COL24A1: variants seen among roughly 807,000 people sequenced by gnomAD.
COL24A1 encodes collagen type XXIV alpha 1 chain, also known as collagen alpha-1(XXIV) chain.
In COL24A1, 224 loss-of-function variants were observed where a neutral mutation model predicts 253.9. The ratio of observed to expected loss-of-function variants is 0.88; its 90% CI spans 0.79 to 0.99. COL24A1 has a LOEUF of 0.99. Among genes scored for constraint, COL24A1 ranks in the 50% least tolerant of loss-of-function variants. The pLI is 0.00. For missense variants in COL24A1, 2,131 were observed against 2,068.5 expected (o/e 1.03, Z -0.59); for synonymous variants, 685 against 673.7 (o/e 1.02, Z -0.26).
At chr1:85,802,917 C>A (rs1163303466) in intron 47 of COL24A1, among the ~76,000 whole-genome samples, 1 of 152,116 alleles carries the variant, frequency 6.6e-6, no homozygotes, top group African/African-American at 2.4e-5. Flanking sequence ...TTCACTGAGA[C>A]TAATATTTCA....
intron 6 of COL24A1, among the ~76,000 whole-genome samples, chr1:86,090,257 A>G (rs1703400038): frequency 6.6e-6 from 1 of 152,186 alleles, no homozygotes; most frequent in African/African-American, 2.4e-5. Flanking sequence ...TCATGAAGGA[A>G]TCATTTAATT....
Position 86,124,910 on chromosome 1 carries a change from C to CATAATA in COL24A1, c.1420_1425dup (p.Tyr474_Tyr475dup). On this transcript the variant is annotated inframe_insertion, in exon 3 of 60. Transcript: ENST00000370571. ...ATTTCAAGCATTGTATTTAGATCCTCATAATAATAATAATCATAAAGCTCA... is the reference window on the plus strand; with the variant it reads ...ATTTCAAGCATTGTATTTAGATCCTCATAATAATAATAATAATAATCATAAAGCTCA... 1 of 1,609,908 alleles carries CATAATA rather than the reference C, an allele frequency of 6.2e-7. No individual in the cohort carries two copies. Among genetic ancestry groups the CATAATA allele is most frequent in the Non-Finnish European group, 8.5e-7 (1 of 1,178,678 alleles).
intron 28 of COL24A1, among the ~76,000 whole-genome samples, chr1:85,899,340 C>A (rs958046865): frequency 6.6e-6 from 1 of 152,038 alleles, no homozygotes; most frequent in Non-Finnish European, 1.5e-5. Context: ...ATTAATTGGG[C>A]CCTTAAAACT....
intron 5 of COL24A1, among the ~76,000 whole-genome samples, chr1:86,111,057 G>A (rs1337159857): frequency 2.0e-5 from 3 of 152,256 alleles, no homozygotes; most frequent in East Asian, 1.9e-4. Context: ...CTGAAGGATT[G>A]TACATGCGCC....
rs559949537 is a variant in COL24A1, at chr1:85,760,461, G to A, written c.4437+935C>T. Reference sequence around the variant, plus strand: ...GATAAATGGGTCTCTTGTTTTCAAGGGGATAGTCTTCCTTGTGGCACTTTG... The same window carrying A: ...GATAAATGGGTCTCTTGTTTTCAAGAGGATAGTCTTCCTTGTGGCACTTTG... On this transcript the variant is annotated intron_variant, in intron 55 of 59. Transcript: ENST00000370571. Among the ~76,000 whole-genome samples the A allele has an allele frequency of 3.4e-3, 515 of 152,214 alleles. 2 individuals are homozygous for A. Among genetic ancestry groups the A allele is most frequent in the Non-Finnish European group, 5.3e-3 (359 of 68,004 alleles).
At chr1:85,874,104 A>G (rs1297044905) in intron 35 of COL24A1, among the ~76,000 whole-genome samples, 1 of 152,180 alleles carries the variant, frequency 6.6e-6, no homozygotes, top group East Asian at 1.9e-4. Flanking sequence ...GTCTGTTAAA[A>G]TTATCTTGGG....
chr1:86,102,681 G>T (rs1302926180), intron 5 of COL24A1, among the ~76,000 whole-genome samples: 1 of 152,130 alleles, frequency 6.6e-6, no homozygotes, highest in Non-Finnish European at 1.5e-5. Flanking sequence ...CAATGTAATT[G>T]TATGGTTTTG....
chr1:85,799,236 AAAGAAAG>A (rs1221228472), intron 47 of COL24A1, among the ~76,000 whole-genome samples: 1 of 151,908 alleles, frequency 6.6e-6, no homozygotes, highest in Non-Finnish European at 1.5e-5. Flanking sequence ...AGAAAGAAAG[AAAGAAAG>A]AAAGAAAAGA....
chr1:85,786,387 G>A lies in COL24A1; in HGVS notation c.4026C>T (p.Gly1342=), dbSNP rs1486910470. 6.2e-7 allele frequency: 1 copy of A among 1,613,738 alleles called. No individual in the cohort carries two copies. The highest frequency in any genetic ancestry group is 8.5e-7 in the Non-Finnish European group (1 of 1,179,788). Residue 1342 remains glycine (G), a synonymous_variant, in exon 48 of 60, where the codon GGC becomes GGT. Transcript: ENST00000370571. ...PGPPGVKGSS[G]LPGSPGIQGP... is the part of the protein sequence containing the mutation. ...CTTGAATTCCTGGGCTTCCTGGCAA[G>A]CCTGATGAACCCTTTACTCCTGGAG...
rs184369269 is a variant in COL24A1, at chr1:85,811,991, G to A, written c.3951+4797C>T. ...CCCTGCTTATATCTGTAAGATTTTG[G>A]AGACAGGCCATGCCCTCTCTGTCAA... On this transcript the variant is annotated intron_variant, in intron 47 of 59. Transcript: ENST00000370571. Among the ~76,000 whole-genome samples, 161 of 152,222 alleles carry A rather than the reference G, an allele frequency of 1.1e-3. 1 individual carries two copies. The highest frequency in any genetic ancestry group is 1.8e-3 in the Non-Finnish European group (119 of 67,994).
intron 48 of COL24A1, among the ~76,000 whole-genome samples, chr1:85,785,141 G>T (rs1477813573): frequency 1.3e-5 from 2 of 151,980 alleles, no homozygotes; most frequent in African/African-American, 4.8e-5. Context: ...GTAAACCCTG[G>T]TTTTAGCCAT....
chr1:85,834,040 A>G (rs913726384), intron 43 of COL24A1, among the ~76,000 whole-genome samples: 17 of 151,876 alleles, frequency 1.1e-4, no homozygotes, highest in African/African-American at 3.4e-4. Context: ...TGGGTGCAGC[A>G]CACCAGCATG....
chr1:85,737,480 A>G lies in COL24A1; in HGVS notation c.4698T>C (p.Leu1566=), dbSNP rs1386190653. 8.1e-6 allele frequency: 13 copies of G among 1,612,540 alleles called. No homozygotes were observed. Among genetic ancestry groups the G allele is most frequent in the Non-Finnish European group, 1.1e-5 (13 of 1,179,032 alleles). Residue 1566 remains leucine (L), a synonymous_variant, in exon 58 of 60, where the codon CTT becomes CTC. Transcript: ENST00000370571. The part of the protein sequence containing the change: ...SDGKYWIDPN[L]GCPSDAIEVF... ...CCTCAATGGCATCTGAAGGACAGCC[A>G]AGATTTGGGTCAATCCAGTATTTTC...
At chr1:86,030,938 A>G (rs1023440960) in intron 14 of COL24A1, among the ~76,000 whole-genome samples, 2 of 152,040 alleles carry the variant, frequency 1.3e-5, no homozygotes, top group African/African-American at 4.8e-5. Context: ...GCTTTGGGAC[A>G]GCTAAAGGTA....
intron 14 of COL24A1, among the ~76,000 whole-genome samples, chr1:86,023,808 T>C (rs1697773516): frequency 6.6e-6 from 1 of 152,096 alleles, no homozygotes; most frequent in African/African-American, 2.4e-5. Flanking sequence ...ATGGCACTTC[T>C]TGGTGGTTTG....
chr1:85,994,580 G>A (rs6704536), intron 19 of COL24A1, among the ~76,000 whole-genome samples: 60,499 of 151,904 alleles, frequency 0.4, 12,460 homozygotes, highest in East Asian at 0.58. Flanking sequence ...ATTTATGGAA[G>A]CACATGTCAT....
At chr1:85,877,366 G>T (rs1167099716) in intron 32 of COL24A1, among the ~76,000 whole-genome samples, 191 bp from the exon 33 acceptor site, 2 of 152,092 alleles carry the variant, frequency 1.3e-5, no homozygotes, top group African/African-American at 4.8e-5. Context: ...GTATGTGTGT[G>T]TGTTTTTGTT....
chr1:85,985,073 A>G (rs1194508585), intron 20 of COL24A1, among the ~76,000 whole-genome samples: 1 of 151,914 alleles, frequency 6.6e-6, no homozygotes, highest in African/African-American at 2.4e-5. Flanking sequence ...TCTCAAAAAG[A>G]TTACAGTCTA....
At chr1:86,005,859 T>C (rs903242950) in intron 19 of COL24A1, among the ~76,000 whole-genome samples, 26 of 152,126 alleles carry the variant, frequency 1.7e-4, no homozygotes, top group African/African-American at 6.3e-4. Flanking sequence ...TAAGCAGTTA[T>C]AGCAAGGTTG....
Sources: gnomAD v4.1 joint callset for allele counts (sites outside exome capture counted in the v4.1 genomes callset) on GRCh38, gnomAD v4.1.1 for gene constraint, MANE v1.5 for transcripts, NCBI Gene and HGNC (gene_info 2026-07-23, HGNC 2026-07-21) for gene names.